Variants in MACROD2 observed in about 807,000 individuals in gnomAD.
MACROD2 encodes ADP-ribose glycohydrolase MACROD2.
In MACROD2, 36 loss-of-function variants were observed where a neutral mutation model predicts 70.4. That is an observed-to-expected ratio of 0.51 (90% CI 0.39 to 0.68). The LOEUF (loss-of-function observed/expected upper bound fraction) is 0.68. MACROD2 is among the 30% of genes least tolerant of loss of function. MACROD2 has a pLI of 0.00. For synonymous variants in MACROD2, 172 were observed against 178.8 expected, an observed-to-expected ratio of 0.96 and a Z score of 0.30; for missense variants, 496 against 538.4, an observed-to-expected ratio of 0.92 and a Z score of 0.78.
intron 4 of MACROD2, among the ~76,000 whole-genome samples, chr20:14,673,238 T>C (rs1379331228): frequency 6.6e-6 from 1 of 152,192 alleles, no homozygotes; most frequent in African/African-American, 2.4e-5. Context: ...AGAGGCTCTT[T>C]TGATTTATGA....
chr20:14,336,835 T>C (rs972830107), intron 3 of MACROD2, among the ~76,000 whole-genome samples: 1 of 152,192 alleles, frequency 6.6e-6, no homozygotes. Flanking sequence ...CTGAAATGCT[T>C]GAAGCAGCTC....
intron 2 of MACROD2, among the ~76,000 whole-genome samples, chr20:14,063,879 A>G (rs2053721538): frequency 6.6e-6 from 1 of 151,976 alleles, no homozygotes; most frequent in Admixed American, 6.6e-5. Context: ...GTTGTGTACC[A>G]CCACACCCGG....
intron 2 of MACROD2, among the ~76,000 whole-genome samples, chr20:14,080,539 A>G (rs972653502): frequency 2.0e-5 from 3 of 151,838 alleles, no homozygotes; most frequent in Admixed American, 1.3e-4. Context: ...TTTTTGCTGC[A>G]ATTATGTAAA....
chr20:14,038,216 C>T (rs2053343937), intron 2 of MACROD2, among the ~76,000 whole-genome samples: 1 of 151,956 alleles, frequency 6.6e-6, no homozygotes, highest in Admixed American at 6.6e-5. Context: ...ATTGCTTGAA[C>T]CCAGGAGGCA....
At chr20:14,045,114 C>T (rs558971004) in intron 2 of MACROD2, among the ~76,000 whole-genome samples, 26 of 152,366 alleles carry the variant, frequency 1.7e-4, no homozygotes, top group Non-Finnish European at 2.5e-4. Flanking sequence ...CCTGGAACTT[C>T]GGCTGGCCTG....
At chr20:15,072,702 A>G (rs749457525) in intron 5 of MACROD2, among the ~76,000 whole-genome samples, 1 of 152,184 alleles carries the variant, frequency 6.6e-6, no homozygotes, top group Non-Finnish European at 1.5e-5. Flanking sequence ...GTCTAGGAAA[A>G]GTACATGTCA....
Position 15,680,579 on chromosome 20 carries a change from G to A in MACROD2, c.645+180732G>A, listed in dbSNP as rs544117181. Among the ~76,000 whole-genome samples, 22 of 152,312 alleles carry A rather than the reference G, an allele frequency of 1.4e-4. No homozygotes were observed. The South Asian group carries it at 4.6e-3, about 32-fold the overall frequency. On this transcript the variant is annotated intron_variant, in intron 8 of 17. Transcript: ENST00000684519. ...CTTGATTGGCCACTACCTGTGAGGT[G>A]AGACACTGGAGTTAGCCATTGTGAA...
chr20:15,528,033 C>A lies in MACROD2; in HGVS notation c.645+28186C>A, dbSNP rs543392380. ...CTCCAGTACCTAGAATAATGCCTGG[C>A]ACACAGTTAGTGTTCAATAAATATT... On this transcript the variant is annotated intron_variant, in intron 8 of 17. Transcript: ENST00000684519. 4.6e-5 allele frequency among the ~76,000 whole-genome samples: 7 copies of A among 152,328 alleles called. No homozygotes were observed. The South Asian group carries it at 1.5e-3, about 32-fold the overall frequency.
intron 3 of MACROD2, among the ~76,000 whole-genome samples, chr20:14,151,811 C>CTTTTTTTTTTTTTTTTTTTTTT (rs144065987): frequency 1.7e-5 from 1 of 59,190 alleles, no homozygotes; most frequent in African/African-American, 7.0e-5. Context: ...TGTATTGTAT[C>CTTTTTTTTTTTTTTTTTTTTTT]TTTTTTTTTT....
At chr20:15,438,933 A>T (rs1374241355) in intron 7 of MACROD2, among the ~76,000 whole-genome samples, 2 of 152,192 alleles carry the variant, frequency 1.3e-5, no homozygotes, top group African/African-American at 4.8e-5. Context: ...TATTTTCTTA[A>T]TGGGCAAACA....
At chr20:14,760,384 T>G (rs78469885) in intron 5 of MACROD2, among the ~76,000 whole-genome samples, 2,318 of 152,230 alleles carry the variant, frequency 0.015, 75 homozygotes, top group East Asian at 0.11. Flanking sequence ...AATTTTATTT[T>G]AAGTATAAAG....
intron 10 of MACROD2, among the ~76,000 whole-genome samples, chr20:15,929,445 T>TATAC (rs1555796304): frequency 6.6e-6 from 1 of 151,826 alleles, no homozygotes; most frequent in Non-Finnish European, 1.5e-5. Context: ...TATATATATA[T>TATAC]ACACATATAC....
chr20:15,022,107 T>A (rs2075191800), intron 5 of MACROD2, among the ~76,000 whole-genome samples: 1 of 152,174 alleles, frequency 6.6e-6, no homozygotes, highest in African/African-American at 2.4e-5. Context: ...TATGTAATCC[T>A]TTCTAATATT....
chr20:14,651,970 G>A (rs6034000), intron 4 of MACROD2, among the ~76,000 whole-genome samples: 35,015 of 151,870 alleles, frequency 0.23, 6,719 homozygotes, highest in African/African-American at 0.51. Flanking sequence ...AAATCTTACT[G>A]GAGTATCTAG....
At chr20:14,360,673 C>G (rs2083212906) in intron 3 of MACROD2, among the ~76,000 whole-genome samples, 1 of 152,198 alleles carries the variant, frequency 6.6e-6, no homozygotes, top group Admixed American at 6.5e-5. Flanking sequence ...AATCCTGTTG[C>G]AAGCTATAAA....
At chr20:15,315,950 A>C (rs1014297485) in intron 6 of MACROD2, among the ~76,000 whole-genome samples, 6 of 152,090 alleles carry the variant, frequency 3.9e-5, no homozygotes, top group African/African-American at 1.4e-4. Context: ...GCATTTGGAC[A>C]CTCTTTTTAT....
chr20:15,163,605 A>G (rs538379899), intron 5 of MACROD2, among the ~76,000 whole-genome samples: 29 of 152,212 alleles, frequency 1.9e-4, no homozygotes, highest in African/African-American at 6.3e-4. Flanking sequence ...AGAGTTGACC[A>G]TATTCTAGGC....
chr20:14,010,295 G>A (rs2052883724), intron 2 of MACROD2, among the ~76,000 whole-genome samples: 2 of 152,096 alleles, frequency 1.3e-5, no homozygotes, highest in South Asian at 4.1e-4. Context: ...GTGGAAGTGG[G>A]TCATCACAAA....
intron 4 of MACROD2, chr20:14,628,873 A>G (rs1374202077): frequency 6.6e-6 from 1 of 152,184 alleles, no homozygotes; most frequent in Non-Finnish European, 1.5e-5. Context: ...GTGGTCTCTT[A>G]CCCAAGATAA....
Sources: gnomAD v4.1 joint callset for allele counts (sites outside exome capture counted in the v4.1 genomes callset) on GRCh38, gnomAD v4.1.1 for gene constraint, MANE v1.5 for transcripts, NCBI Gene and HGNC (gene_info 2026-07-23, HGNC 2026-07-21) for gene names.